The following MKLN1 variants were observed in gnomAD, a reference collection of about 807,000 sequenced individuals.
The protein encoded by MKLN1 is muskelin.
A neutral mutation model predicts 99.0 loss-of-function variants in MKLN1; 18 were observed. The observed-to-expected ratio is 0.18, with a 90% CI of 0.13 to 0.27. The LOEUF is 0.27. Among genes scored for constraint, MKLN1 ranks in the 10% least tolerant of loss-of-function variants. The pLI, the probability that MKLN1 is intolerant of heterozygous loss-of-function variation, is 1.00. For synonymous variants in MKLN1, 288 were observed against 293.2 expected (o/e 0.98, Z 0.18); for missense variants, 621 against 875.9 (o/e 0.71, Z 3.67).
chr7:131,320,474 C>T (rs1419133709), intron 3 of MKLN1, among the ~76,000 whole-genome samples: 1 of 152,100 alleles, frequency 6.6e-6, no homozygotes, highest in African/African-American at 2.4e-5. Flanking sequence ...GCCATAAAAA[C>T]CCTAGAAGAA....
chr7:131,326,166 G>A (rs1221861975), upstream of MKLN1, among the ~76,000 whole-genome samples: 1 of 152,056 alleles, frequency 6.6e-6, no homozygotes. Context: ...CCTTTAAAGT[G>A]TCTATTTTCT....
At chr7:131,420,776 G>C (rs1795168716) in intron 8 of MKLN1, among the ~76,000 whole-genome samples, 1 of 152,138 alleles carries the variant, frequency 6.6e-6, no homozygotes, top group African/African-American at 2.4e-5. Flanking sequence ...GAAGGACAGG[G>C]ATCTTGCCTT....
chr7:131,356,879 G>A (rs1799900832), intron 1 of MKLN1, among the ~76,000 whole-genome samples: 1 of 152,120 alleles, frequency 6.6e-6, no homozygotes, highest in Non-Finnish European at 1.5e-5. Context: ...CGAATGAGGG[G>A]CATAAGGCAG....
intron 5 of MKLN1, 107 bp downstream of exon 5, chr7:131,397,483 A>G: frequency 8.0e-6 from 5 of 624,330 alleles, no homozygotes; most frequent in Non-Finnish European, 1.3e-5. Context: ...AATAATAACA[A>G]CAGTTAGCTA....
chr7:131,415,647 T>C (rs1198758035), intron 8 of MKLN1, among the ~76,000 whole-genome samples: 1 of 152,208 alleles, frequency 6.6e-6, no homozygotes, highest in Non-Finnish European at 1.5e-5. Flanking sequence ...ACTTTCTTAA[T>C]TTTGGTCCCT....
intron 6 of MKLN1, among the ~76,000 whole-genome samples, chr7:131,407,659 A>G (rs997120261): frequency 6.8e-6 from 1 of 147,710 alleles, no homozygotes; most frequent in Non-Finnish European, 1.5e-5. Flanking sequence ...CCCTTTCCCA[A>G]CTGCCAGACC....
intron 2 of MKLN1, among the ~76,000 whole-genome samples, chr7:131,165,436 C>T (rs921287108): frequency 1.3e-5 from 2 of 152,138 alleles, no homozygotes; most frequent in East Asian, 1.9e-4. Flanking sequence ...CTGCCCGCCT[C>T]GGCCTTCCAA....
Position 131,159,337 on chromosome 7 carries a change from T to TAC in MKLN1, c.-297+16412_-297+16413dup, listed in dbSNP as rs149930072. 2.6e-3 allele frequency among the ~76,000 whole-genome samples: 399 copies of TAC among 151,286 alleles called. 3 individuals are homozygous for TAC. The highest frequency in any genetic ancestry group is 7.8e-3 in the African/African-American group (324 of 41,320). ...GATGAATGGATAAAGAAAATGTGGA[T>TAC]ACACACACACACACACAGACACACA... On this transcript the variant is annotated intron_variant, in intron 2 of 7. Coordinates refer to the MKLN1 transcript ENST00000416992.
chr7:131,297,127 C>T (rs1798301629), intron 3 of MKLN1, among the ~76,000 whole-genome samples: 1 of 152,018 alleles, frequency 6.6e-6, no homozygotes, highest in African/African-American at 2.4e-5. Context: ...CCAAGGAGGG[C>T]AGATCACGAG....
intron 3 of MKLN1, among the ~76,000 whole-genome samples, chr7:131,232,670 G>A (rs1393002308): frequency 1.3e-5 from 2 of 152,106 alleles, no homozygotes; most frequent in Non-Finnish European, 2.9e-5. Flanking sequence ...TTGTTAAAAT[G>A]AAAAACTGTA....
In MKLN1 at chr7:131,321,597, T is replaced by A. The variant is rs1188352734; in HGVS notation, c.-178-53827T>A. Among the ~76,000 whole-genome samples the A allele has an allele frequency of 3.9e-5, 6 of 152,182 alleles. No individual in the cohort carries two copies. In the South Asian group the frequency reaches 8.3e-4, roughly 21 times the overall value. On this transcript the variant is annotated intron_variant, in intron 3 of 7. Coordinates refer to the MKLN1 transcript ENST00000416992. ...AATTTAAAGTAAAATTTAAAAAAAA[T>A]AAAAACTTTTCAAATCTCTCATTAT... is the stretch of plus-strand genomic sequence containing the variant.
intron 15 of MKLN1, among the ~76,000 whole-genome samples, chr7:131,466,904 T>TACATATAC (rs1554371917): frequency 6.6e-6 from 1 of 150,788 alleles, no homozygotes; most frequent in South Asian, 2.1e-4. Context: ...TATATACATA[T>TACATATAC]ACACACACAC....
At chr7:131,403,927 T>C (rs2895230) in intron 6 of MKLN1, among the ~76,000 whole-genome samples, 170 of 152,338 alleles carry the variant, frequency 1.1e-3, no homozygotes, top group Non-Finnish European at 2.1e-3. Context: ...ATAGACTTCC[T>C]TCAATTTGTA....
intron 3 of MKLN1, among the ~76,000 whole-genome samples, chr7:131,256,816 G>A (rs1481148063): frequency 6.6e-6 from 1 of 152,060 alleles, no homozygotes; most frequent in Admixed American, 6.6e-5. Flanking sequence ...AGGGAGGGAG[G>A]AGGGCTAAAA....
intron 1 of MKLN1, among the ~76,000 whole-genome samples, chr7:131,359,566 A>G (rs952533096): frequency 2.6e-5 from 4 of 152,208 alleles, no homozygotes; most frequent in African/African-American, 9.6e-5. Context: ...GAGTCTGTCT[A>G]TTACTGACAG....
intron 5 of MKLN1, 27 bp from the exon 6 acceptor site, chr7:131,399,214 T>C (rs1211307154): frequency 3.8e-6 from 6 of 1,599,526 alleles, no homozygotes; most frequent in Non-Finnish European, 5.1e-6. Context: ...AATCTCTTCT[T>C]TCCATACTTA....
rs149091801 is a variant in MKLN1 at position 131,305,280 on chromosome 7, G to A, written c.-178-70144G>A. ...CTTTTTGCCCTCAGCCAACTGGTGT[G>A]TTCCTTTGCCTGAAAAATAAACTCA... is the stretch of plus-strand genomic sequence containing the variant. On this transcript the variant is annotated intron_variant, in intron 3 of 7. Transcript: ENST00000416992. Among the ~76,000 whole-genome samples, 191 of 152,304 alleles carry A rather than the reference G, an allele frequency of 1.3e-3. 2 individuals are homozygous for A. Among genetic ancestry groups the A allele is most frequent in the African/African-American group, 4.4e-3 (183 of 41,558 alleles).
intron 1 of MKLN1, among the ~76,000 whole-genome samples, chr7:131,356,792 C>T (rs962746044): frequency 1.1e-4 from 16 of 152,256 alleles, no homozygotes; most frequent in African/African-American, 3.6e-4. Flanking sequence ...AAATATGTTG[C>T]CGGTGGCAGA....
chr7:131,389,681 C>G (rs1320736284), intron 4 of MKLN1, among the ~76,000 whole-genome samples: 3 of 151,672 alleles, frequency 2.0e-5, no homozygotes, highest in African/African-American at 7.3e-5. Flanking sequence ...GGAAATTGAG[C>G]AATTAAATCC....
Sources: gnomAD v4.1 joint callset for allele counts (sites outside exome capture counted in the v4.1 genomes callset) on GRCh38, gnomAD v4.1.1 for gene constraint, MANE v1.5 for transcripts, NCBI Gene and HGNC (gene_info 2026-07-23, HGNC 2026-07-21) for gene names.